Variants in LY6S observed in about 807,000 individuals in gnomAD.
LY6S encodes the protein lymphocyte antigen 6S.
the LY6S span, among the ~76,000 whole-genome samples, chr8:143,052,506 G>T: frequency 6.6e-6 from 1 of 152,298 alleles, no homozygotes; most frequent in South Asian, 2.1e-4. Context: ...GGACTGGCAG[G>T]TTGACCGCAC....
the LY6S span, chr8:143,049,292 C>T: frequency 2.1e-5 from 11 of 534,526 alleles, no homozygotes; most frequent in South Asian, 5.6e-5. Flanking sequence ...GAACACCTTT[C>T]GGCTAGGTGA....
At chr8:143,065,852 AC>A in the LY6S span, 1 of 84,890 alleles carries the variant, frequency 1.2e-5, no homozygotes, top group African/African-American at 4.5e-5. Flanking sequence ...TCTTTCTTGT[AC>A]GATATCTATT....
the LY6S span, among the ~76,000 whole-genome samples, chr8:143,070,405 T>A: frequency 7.9e-6 from 1 of 126,120 alleles, no homozygotes; most frequent in Non-Finnish European, 1.6e-5. Flanking sequence ...ATATATTTTT[T>A]ATTTATGTAT....
chr8:143,041,632 T>A, the LY6S span, among the ~76,000 whole-genome samples: 1 of 152,148 alleles, frequency 6.6e-6, no homozygotes, highest in Non-Finnish European at 1.5e-5. Context: ...AGGGTATTGA[T>A]TGGGGAAGTG....
the LY6S span, among the ~76,000 whole-genome samples, chr8:143,041,085 G>A: frequency 6.6e-6 from 1 of 152,110 alleles, no homozygotes; most frequent in Non-Finnish European, 1.5e-5. Flanking sequence ...ATGAAGTTTT[G>A]GGCACACATT....
At chr8:143,050,572 G>T in the LY6S span, among the ~76,000 whole-genome samples, 1,541 of 152,244 alleles carry the variant, frequency 0.01, 105 homozygotes, top group Admixed American at 0.092. Flanking sequence ...TGGCTCTTGG[G>T]AGGAAGACTT....
At chr8:143,066,364 G>A in the LY6S span, 2 of 207,802 alleles carry the variant, frequency 9.6e-6, no homozygotes, top group Non-Finnish European at 1.9e-5. Flanking sequence ...GTTTTGCCAT[G>A]TTGGCCAGGC....
chr8:143,057,642 G>A, the LY6S span: 10 of 1,041,078 alleles, frequency 9.6e-6, no homozygotes, highest in Non-Finnish European at 1.1e-5. Context: ...GTTTTGGGAG[G>A]GTTGAATTCA....
chr8:143,055,192 GT>G, the LY6S span, among the ~76,000 whole-genome samples: 53 of 150,354 alleles, frequency 3.5e-4, no homozygotes, highest in Middle Eastern at 3.5e-3. Flanking sequence ...GACCAACTTT[GT>G]TTTTTTTTTT....
At chr8:143,069,266 T>TG in the LY6S span, among the ~76,000 whole-genome samples, 3 of 152,232 alleles carry the variant, frequency 2.0e-5, no homozygotes, top group Non-Finnish European at 4.4e-5. Context: ...ACTGAGTGGC[T>TG]GGTCTTCAAA....
At chr8:143,045,973 C>G in the LY6S span, among the ~76,000 whole-genome samples, 1 of 152,118 alleles carries the variant, frequency 6.6e-6, no homozygotes, top group Non-Finnish European at 1.5e-5. The surrounding 1 kb of genome is among the most constrained non-coding windows in gnomAD (Gnocchi z 5.3). Context: ...CCTGCCTCAG[C>G]CTCCCGAGTA....
chr8:143,049,500 C>T, the LY6S span, among the ~76,000 whole-genome samples: 1 of 152,198 alleles, frequency 6.6e-6, no homozygotes, highest in Non-Finnish European at 1.5e-5. Context: ...CGGCTTTATG[C>T]AGCACCTGCA....
chr8:143,056,183 AG>A, the LY6S span, among the ~76,000 whole-genome samples: 1 of 146,198 alleles, frequency 6.8e-6, no homozygotes, highest in Admixed American at 7.0e-5. Flanking sequence ...GTTATTTATC[AG>A]GGTAGATCAT....
the LY6S span, among the ~76,000 whole-genome samples, chr8:143,070,466 TATATATATAAATATATATA>T: frequency 2.5e-5 from 1 of 39,378 alleles, no homozygotes; most frequent in African/African-American, 8.0e-5. Flanking sequence ...ATATATATAA[TATATATATAAATATATATA>T]TATATTTTTT....
the LY6S span, chr8:143,044,086 C>T: frequency 4.4e-6 from 2 of 455,042 alleles, no homozygotes; most frequent in East Asian, 7.0e-5. Context: ...CCTGGGCAGG[C>T]TGCAGCCCCT....
At chr8:143,074,628 C>G in the LY6S span, among the ~76,000 whole-genome samples, 1 of 152,002 alleles carries the variant, frequency 6.6e-6, no homozygotes, top group Non-Finnish European at 1.5e-5. Context: ...TTTGTTCATC[C>G]TTTCCTCCAT....
the LY6S span, among the ~76,000 whole-genome samples, chr8:143,057,374 T>G: frequency 2.0e-5 from 3 of 152,110 alleles, no homozygotes; most frequent in Non-Finnish European, 4.4e-5. Context: ...CTCAGCCTCC[T>G]GAGTAGCTGA....
chr8:143,057,656 T>C, the LY6S span: 1 of 953,182 alleles, frequency 1.0e-6, no homozygotes, highest in African/African-American at 1.6e-5. Context: ...GAATTCAATG[T>C]TGAAGACTCA....
the LY6S span, among the ~76,000 whole-genome samples, chr8:143,052,628 C>G: frequency 6.6e-6 from 1 of 152,282 alleles, no homozygotes; most frequent in East Asian, 1.9e-4. Flanking sequence ...GTGGTCAAGG[C>G]ATGTTTTGGC....
Sources: allele counts gnomAD v4.1 joint callset (sites outside exome capture counted in the v4.1 genomes callset), GRCh38; gene constraint gnomAD v4.1.1; non-coding constraint Gnocchi (gnomAD v3.1); transcripts MANE v1.5; gene names NCBI Gene and HGNC (gene_info 2026-07-23, HGNC 2026-07-21).